The following ADAMTSL1 variants were observed in gnomAD, a reference collection of about 807,000 sequenced individuals.
ADAMTSL1 encodes ADAMTS like 1.
ADAMTSL1 carries 126 observed loss-of-function variants against 201.8 expected under a neutral mutation model. The observed-to-expected ratio is 0.62, with a 90% CI of 0.54 to 0.72. The LOEUF (loss-of-function observed/expected upper bound fraction) is 0.72. Among genes scored for constraint, ADAMTSL1 ranks in the 30% least tolerant of loss-of-function variants. The pLI is 0.00. For missense variants in ADAMTSL1, 2,679 were observed against 2,277.8 expected, an observed-to-expected ratio of 1.18 and a Z score of -3.59; for synonymous variants, 1,121 against 903.4, an observed-to-expected ratio of 1.24 and a Z score of -4.32.
intron 16 of ADAMTSL1, among the ~76,000 whole-genome samples, chr9:18,768,407 T>G (rs1170037052): frequency 6.6e-6 from 1 of 151,108 alleles, no homozygotes; most frequent in Non-Finnish European, 1.5e-5. Context: ...AAACAAATTC[T>G]AGCCCCTGTG....
At chr9:18,052,022 T>C (rs970570756) in intron 1 of ADAMTSL1, among the ~76,000 whole-genome samples, 2 of 152,240 alleles carry the variant, frequency 1.3e-5, no homozygotes, top group African/African-American at 4.8e-5. Flanking sequence ...TACAAACATC[T>C]TTGAGGAAGT....
intron 4 of ADAMTSL1, among the ~76,000 whole-genome samples, chr9:18,607,882 C>T (rs1687626005): frequency 6.6e-6 from 1 of 152,122 alleles, no homozygotes; most frequent in Admixed American, 6.6e-5. Context: ...CCAGCTTCAT[C>T]CATGTCCCTA....
intron 13 of ADAMTSL1, among the ~76,000 whole-genome samples, chr9:18,690,828 AT>A (rs777404391): frequency 1.7e-4 from 26 of 152,116 alleles, no homozygotes; most frequent in Non-Finnish European, 3.5e-4. Context: ...GCTTAATATA[AT>A]TTCTTGGGCT....
At chr9:17,989,793 A>G (rs1819077186) in intron 1 of ADAMTSL1, among the ~76,000 whole-genome samples, 2 of 151,538 alleles carry the variant, frequency 1.3e-5, no homozygotes, top group Non-Finnish European at 2.9e-5. Flanking sequence ...GGACATTGAC[A>G]TTTTAAGCCT....
At chr9:18,737,837 T>C (rs1052372269) in intron 15 of ADAMTSL1, among the ~76,000 whole-genome samples, 6 of 152,206 alleles carry the variant, frequency 3.9e-5, no homozygotes, top group Non-Finnish European at 8.8e-5. Flanking sequence ...TCAGTGTTTA[T>C]CATAAACTGG....
intron 1 of ADAMTSL1, among the ~76,000 whole-genome samples, chr9:18,052,261 C>G (rs1158554747): frequency 2.0e-5 from 3 of 152,210 alleles, no homozygotes; most frequent in Non-Finnish European, 2.9e-5. Flanking sequence ...ACACATCACA[C>G]AAATAAATAC....
At chr9:18,761,063 A>G (rs979584229) in intron 16 of ADAMTSL1, among the ~76,000 whole-genome samples, 1 of 152,220 alleles carries the variant, frequency 6.6e-6, no homozygotes, top group African/African-American at 2.4e-5. Context: ...TACTCAATAA[A>G]TGTTTGGTGA....
At chr9:18,282,696 A>G (rs1832836865) in intron 2 of ADAMTSL1, among the ~76,000 whole-genome samples, 1 of 152,138 alleles carries the variant, frequency 6.6e-6, no homozygotes, top group African/African-American at 2.4e-5. Context: ...TCCAGAATTC[A>G]ACACCAGCCT....
intron 15 of ADAMTSL1, among the ~76,000 whole-genome samples, chr9:18,725,614 G>T (rs1817839677): frequency 6.6e-6 from 1 of 152,076 alleles, no homozygotes; most frequent in South Asian, 2.1e-4. Flanking sequence ...CTAATAAGGA[G>T]GTTTTCTGTG....
chr9:18,061,620 GT>G (rs781400681), intron 1 of ADAMTSL1, among the ~76,000 whole-genome samples: 2 of 152,186 alleles, frequency 1.3e-5, no homozygotes, highest in African/African-American at 4.8e-5. Context: ...CAAAGAGCAA[GT>G]TAGATGCCCC....
chr9:18,267,784 AAAC>A (rs1169233731), intron 2 of ADAMTSL1, among the ~76,000 whole-genome samples: 4 of 151,120 alleles, frequency 2.6e-5, no homozygotes, highest in African/African-American at 9.8e-5. Flanking sequence ...ACAAAAACAA[AAAC>A]AAAAAAACCT....
At chr9:18,271,875 G>C (rs1587440483) in intron 2 of ADAMTSL1, among the ~76,000 whole-genome samples, 1 of 152,144 alleles carries the variant, frequency 6.6e-6, no homozygotes, top group African/African-American at 2.4e-5. Flanking sequence ...ATTCTAACTG[G>C]TGTGAGATGG....
At chr9:18,184,441 A>G (rs554009036) in intron 2 of ADAMTSL1, among the ~76,000 whole-genome samples, 4 of 152,190 alleles carry the variant, frequency 2.6e-5, no homozygotes, top group African/African-American at 4.8e-5. Context: ...TTTAATCACC[A>G]GTATCAAAAT....
rs191177861 is a variant in ADAMTSL1, at chr9:17,934,290, A to G, written c.87+27368A>G. ...TCTCTAAGCTTTATTCCTGTCTTTA[A>G]ATTCACTTCCTCTAGAATTTCCAGT... On this transcript the variant is annotated intron_variant, in intron 1 of 29. Coordinates refer to the ADAMTSL1 transcript ENST00000680146. Among the ~76,000 whole-genome samples the G allele has an allele frequency of 1.2e-3, 178 of 152,236 alleles. 1 individual carries two copies. Among genetic ancestry groups the G allele is most frequent in the Non-Finnish European group, 1.9e-4 (13 of 68,014 alleles).
At chr9:18,528,179 A>T (rs1292266057) in intron 2 of ADAMTSL1, among the ~76,000 whole-genome samples, 2 of 151,988 alleles carry the variant, frequency 1.3e-5, no homozygotes, top group Non-Finnish European at 2.9e-5. Flanking sequence ...CACCTGGCCC[A>T]TTTTTTTATT....
chr9:18,139,201 G>A (rs1237068574), intron 1 of ADAMTSL1, among the ~76,000 whole-genome samples: 31 of 152,208 alleles, frequency 2.0e-4, no homozygotes, highest in South Asian at 2.1e-4. Context: ...GCAATCTTTC[G>A]TCAATGTAGT....
rs774610676 is a variant in ADAMTSL1, at chr9:18,887,854, G to A, written c.4273G>A (p.Val1425Ile). The A allele has an allele frequency of 3.4e-5, 55 of 1,613,762 alleles. No homozygotes were observed. The highest frequency in any genetic ancestry group is 3.3e-4 in the Middle Eastern group (2 of 6,080). Residue 1425 changes from valine (V) to isoleucine (I), a missense_variant, in exon 24 of 29, where the codon GTC becomes ATC. Transcript: ENST00000380548. ...AGGCTGCCCCATCAAAGGTCACCCT[G>A]TCCCTAATATCACCTGGTTTCATGG... is the stretch of plus-strand genomic sequence containing the variant. ...LLGCPIKGHP[V>I]PNITWFHGGQ... is the part of the protein sequence containing the mutation.
rs1055689630 is a variant in ADAMTSL1, at chr9:18,860,990, G to A, written c.4250-26841G>A. Among the ~76,000 whole-genome samples the A allele has an allele frequency of 4.6e-5, 7 of 152,250 alleles. No individual in the cohort carries two copies. In the South Asian group the frequency reaches 8.3e-4, roughly 18 times the overall value. On this transcript the variant is annotated intron_variant, in intron 23 of 28. Transcript: ENST00000380548. Reference sequence around the variant, plus strand: ...GAAACTTTAGTTCTCACTTCCATTCGTTATGCAGAGATCACATACACATCC... The same window carrying A: ...GAAACTTTAGTTCTCACTTCCATTCATTATGCAGAGATCACATACACATCC...
intron 23 of ADAMTSL1, among the ~76,000 whole-genome samples, chr9:18,875,222 C>A (rs1828077788): frequency 1.3e-5 from 2 of 151,862 alleles, no homozygotes; most frequent in Non-Finnish European, 2.9e-5. Flanking sequence ...CTTTTTGTTT[C>A]ATTTATCTAT....
Sources: gnomAD v4.1 joint callset for allele counts (sites outside exome capture counted in the v4.1 genomes callset) on GRCh38, gnomAD v4.1.1 for gene constraint, MANE v1.5 for transcripts, NCBI Gene and HGNC (gene_info 2026-07-23, HGNC 2026-07-21) for gene names.